The following PRKG1 variants were observed in gnomAD, a reference collection of about 807,000 sequenced individuals.
The protein encoded by PRKG1 is protein kinase cGMP-dependent 1.
PRKG1 carries 35 observed loss-of-function variants against 88.1 expected under a neutral mutation model. The observed-to-expected ratio is 0.40, with a 90% confidence interval of 0.30 to 0.53. The LOEUF is 0.53. PRKG1 is among the 20% of genes least tolerant of loss of function. The pLI is 0.59. For synonymous variants in PRKG1, 303 were observed against 292.5 expected (o/e 1.04, Z -0.37); for missense variants, 540 against 839.8 (o/e 0.64, Z 4.41).
At chr10:51,309,601 C>T (rs747422406) in intron 2 of PRKG1, among the ~76,000 whole-genome samples, 21 of 151,962 alleles carry the variant, frequency 1.4e-4, no homozygotes, top group Non-Finnish European at 2.6e-4. Context: ...TAACGGATGT[C>T]GATGAGGATG....
intron 2 of PRKG1, among the ~76,000 whole-genome samples, chr10:51,368,156 T>C (rs945031575): frequency 6.6e-6 from 1 of 152,050 alleles, no homozygotes; most frequent in African/African-American, 2.4e-5. Flanking sequence ...ATAAACTCTT[T>C]TATTTTTGCA....
chr10:51,100,553 C>G (rs984538918), intron 1 of PRKG1, among the ~76,000 whole-genome samples: 2 of 152,310 alleles, frequency 1.3e-5, no homozygotes, highest in Admixed American at 6.5e-5. Context: ...ATTGCTGCAA[C>G]TGTTACAGCT....
At chr10:51,046,618 C>G (rs1367078957) in intron 1 of PRKG1, among the ~76,000 whole-genome samples, 2 of 152,136 alleles carry the variant, frequency 1.3e-5, no homozygotes, top group Admixed American at 1.3e-4. Context: ...AGGTCTTAAA[C>G]AGAGGCTTCT....
intron 2 of PRKG1, among the ~76,000 whole-genome samples, chr10:51,405,315 A>G (rs1042260568): frequency 2.3e-4 from 35 of 152,216 alleles, no homozygotes; most frequent in Non-Finnish European, 4.0e-4. Flanking sequence ...AGAAGGTGAC[A>G]GTGGAATTAC....
chr10:51,111,783 T>C (rs1235964955), intron 1 of PRKG1, among the ~76,000 whole-genome samples: 5 of 152,136 alleles, frequency 3.3e-5, no homozygotes, highest in African/African-American at 4.8e-5. Flanking sequence ...AGTTAGCACA[T>C]GAAGAAACTG....
intron 2 of PRKG1, among the ~76,000 whole-genome samples, chr10:51,328,175 T>C (rs569866139): frequency 6.6e-6 from 1 of 152,334 alleles, no homozygotes; most frequent in East Asian, 1.9e-4. Context: ...TTCTACTTTT[T>C]ACTTTTGTGA....
At chr10:51,263,067 C>T (rs912285215) in intron 2 of PRKG1, among the ~76,000 whole-genome samples, 1 of 152,134 alleles carries the variant, frequency 6.6e-6, no homozygotes. Context: ...GAGATTTGTA[C>T]TCTGTCTTAT....
rs541528429 is a variant in PRKG1, at chr10:51,278,227, G to T, written c.478+124897G>T. Among the ~76,000 whole-genome samples, 217 of 152,122 alleles carry T rather than the reference G, an allele frequency of 1.4e-3. 2 individuals carry two copies. Among genetic ancestry groups the T allele is most frequent in the Non-Finnish European group, 2.5e-3 (173 of 67,960 alleles). ...TTGAGATAATCATGTGGTTTTTGTCGTTGGTTCTGTTTGTATGTTGGATTA... is the reference window on the plus strand; with the variant it reads ...TTGAGATAATCATGTGGTTTTTGTCTTTGGTTCTGTTTGTATGTTGGATTA... On this transcript the variant is annotated intron_variant, in intron 2 of 17. Transcript: ENST00000373980.
At chr10:51,814,443 T>G (rs949755339) in intron 4 of PRKG1, among the ~76,000 whole-genome samples, 5 of 152,294 alleles carry the variant, frequency 3.3e-5, no homozygotes, top group East Asian at 1.9e-4. Flanking sequence ...CTTAATTTTT[T>G]TTTGTTTGTT....
intron 3 of PRKG1, among the ~76,000 whole-genome samples, chr10:51,704,119 G>C (rs190666666): frequency 1.5e-3 from 222 of 147,706 alleles, no homozygotes; most frequent in African/African-American, 5.4e-3. Context: ...ACTCCAGCCT[G>C]GGCAACAGAG....
At chr10:51,533,978 G>A (rs543979388) in intron 3 of PRKG1, among the ~76,000 whole-genome samples, 92 of 152,214 alleles carry the variant, frequency 6.0e-4, no homozygotes, top group Admixed American at 3.5e-3. Context: ...ACAAAGCTAC[G>A]GGAAAGGAAA....
intron 1 of PRKG1, among the ~76,000 whole-genome samples, chr10:51,002,413 A>C (rs2132716093): frequency 6.6e-6 from 1 of 152,282 alleles, no homozygotes; most frequent in South Asian, 2.1e-4. Context: ...AAATATTTTA[A>C]TAATCAAGTT....
At chr10:52,170,300 C>A (rs1157933362) in intron 9 of PRKG1, among the ~76,000 whole-genome samples, 1 of 152,198 alleles carries the variant, frequency 6.6e-6, no homozygotes, top group Non-Finnish European at 1.5e-5. Flanking sequence ...CCTCATCATG[C>A]ACCTAAATTG....
chr10:51,678,185 C>T (rs140588170), intron 3 of PRKG1, among the ~76,000 whole-genome samples: 2 of 152,194 alleles, frequency 1.3e-5, no homozygotes, highest in East Asian at 3.9e-4. Context: ...AAGGGCAACA[C>T]CTATGCAGCT....
At chr10:51,625,410 G>C (rs1839311025) in intron 3 of PRKG1, among the ~76,000 whole-genome samples, 1 of 152,214 alleles carries the variant, frequency 6.6e-6, no homozygotes, top group Admixed American at 6.5e-5. Context: ...CCGTGAGACA[G>C]AGGTTGCAGT....
chr10:52,270,408 G>T (rs904742151), intron 10 of PRKG1, among the ~76,000 whole-genome samples: 5 of 152,066 alleles, frequency 3.3e-5, no homozygotes, highest in African/African-American at 1.2e-4. Flanking sequence ...CTGCTATAAA[G>T]ACACATGCAC....
intron 1 of PRKG1, among the ~76,000 whole-genome samples, chr10:51,007,925 G>A (rs1842957368): frequency 6.6e-6 from 1 of 152,178 alleles, no homozygotes. Flanking sequence ...TGGTTTCATG[G>A]TGCCTCCAGG....
At chr10:51,665,887 A>G (rs74132550) in intron 3 of PRKG1, among the ~76,000 whole-genome samples, 2,661 of 152,054 alleles carry the variant, frequency 0.018, 86 homozygotes, top group African/African-American at 0.061. Flanking sequence ...TGCTAAATAG[A>G]GGTAGAGAGA....
chr10:51,234,543 A>G (rs1427672786), intron 2 of PRKG1, among the ~76,000 whole-genome samples: 1 of 152,198 alleles, frequency 6.6e-6, no homozygotes, highest in African/African-American at 2.4e-5. Context: ...TTCTTACCAA[A>G]CAGGATTTAT....
Sources: allele counts gnomAD v4.1 joint callset (sites outside exome capture counted in the v4.1 genomes callset), GRCh38; gene constraint gnomAD v4.1.1; transcripts MANE v1.5; gene names NCBI Gene and HGNC (gene_info 2026-07-23, HGNC 2026-07-21).